ZNF385D: variants seen among roughly 807,000 people sequenced by gnomAD.
ZNF385D encodes the protein zinc finger protein 385D, also known as zinc finger protein 659.
ZNF385D carries 15 observed loss-of-function variants against 35.8 expected under a neutral mutation model. The ratio of observed to expected loss-of-function variants is 0.42; its 90% CI spans 0.28 to 0.64. ZNF385D has a LOEUF of 0.64. Among genes scored for constraint, ZNF385D ranks in the 30% least tolerant of loss-of-function variants. The pLI, the probability that ZNF385D is intolerant of heterozygous loss-of-function variation, is 0.23. For synonymous variants in ZNF385D, 212 were observed against 186.8 expected (o/e 1.13, Z -1.10); for missense variants, 474 against 494.6 (o/e 0.96, Z 0.39).
intron 3 of ZNF385D, among the ~76,000 whole-genome samples, chr3:21,955,696 T>A (rs1022498472): frequency 2.0e-5 from 3 of 152,126 alleles, no homozygotes; most frequent in Non-Finnish European, 4.4e-5. Context: ...AACCCACATG[T>A]TATAAAATTG....
intron 3 of ZNF385D, among the ~76,000 whole-genome samples, chr3:22,038,561 A>T (rs1698474575): frequency 6.6e-6 from 1 of 152,202 alleles, no homozygotes; most frequent in Admixed American, 6.5e-5. Context: ...AGGCTGAAAT[A>T]AAATTTATTC....
intron 2 of ZNF385D, among the ~76,000 whole-genome samples, chr3:22,180,914 CT>C (rs61668943): frequency 0.011 from 1,204 of 112,926 alleles, 64 homozygotes; most frequent in Admixed American, 0.079. Flanking sequence ...TGCTTTTGTT[CT>C]TTTTTTTTTT....
At chr3:22,012,041 T>G (rs1031462424) in intron 3 of ZNF385D, among the ~76,000 whole-genome samples, 1 of 152,146 alleles carries the variant, frequency 6.6e-6, no homozygotes, top group Non-Finnish European at 1.5e-5. Flanking sequence ...TATTATCAGA[T>G]AGGGAATTAT....
intron 2 of ZNF385D, among the ~76,000 whole-genome samples, chr3:22,176,033 C>G (rs796661877): frequency 5.9e-5 from 9 of 151,486 alleles, no homozygotes; most frequent in Non-Finnish European, 1.0e-4. Context: ...TGTAAAGTAC[C>G]ATTATAAAAA....
intron 3 of ZNF385D, among the ~76,000 whole-genome samples, chr3:21,865,115 T>C (rs147199780): frequency 7.0e-6 from 1 of 142,784 alleles, no homozygotes; most frequent in East Asian, 2.2e-4. Flanking sequence ...TCTACTTTCA[T>C]GTGGTATAAT....
intron 2 of ZNF385D, chr3:22,169,066 A>G (rs943067915): frequency 3.1e-6 from 3 of 958,682 alleles, no homozygotes; most frequent in Non-Finnish European, 3.7e-6. Flanking sequence ...ATGAACAAGC[A>G]GATCAAGATT....
At chr3:21,493,841 A>G (rs1022981384) in intron 4 of ZNF385D, among the ~76,000 whole-genome samples, 16 of 152,294 alleles carry the variant, frequency 1.1e-4, no homozygotes, top group African/African-American at 2.2e-4. Flanking sequence ...TTCCAAAGCA[A>G]TAATTCCAAG....
intron 3 of ZNF385D, among the ~76,000 whole-genome samples, chr3:22,007,998 T>A (rs1030637529): frequency 6.6e-6 from 1 of 152,060 alleles, no homozygotes; most frequent in Non-Finnish European, 1.5e-5. Context: ...ATTCTAGAAC[T>A]TGTATAGTTT....
chr3:22,077,488 G>T (rs1700521493), intron 3 of ZNF385D, among the ~76,000 whole-genome samples: 1 of 151,992 alleles, frequency 6.6e-6, no homozygotes, highest in African/African-American at 2.4e-5. Context: ...AAATAGGCAA[G>T]ATTTCTTATC....
In ZNF385D at chr3:21,519,325, T is replaced by C. The variant is rs995822758; in HGVS notation, c.277-8302A>G. ...AGTACTTACATGGCTGTGAAAAAAA[T>C]AGTCTAGATGGGGTCACTTTTCAAA... On this transcript the variant is annotated intron_variant, in intron 3 of 7. Transcript: ENST00000281523. 2.6e-5 allele frequency among the ~76,000 whole-genome samples: 4 copies of C among 152,214 alleles called. No homozygotes were observed. In the East Asian group the frequency reaches 7.7e-4, roughly 29 times the overall value.
intron 4 of ZNF385D, chr3:21,441,724 A>G (rs1575150996): frequency 3.0e-6 from 3 of 985,266 alleles, no homozygotes; most frequent in East Asian, 2.3e-4. Flanking sequence ...ACAGGGCTTC[A>G]TTGCACCTTT....
intron 2 of ZNF385D, among the ~76,000 whole-genome samples, chr3:22,187,778 G>A (rs527875464): frequency 3.6e-4 from 54 of 152,100 alleles, no homozygotes; most frequent in Admixed American, 2.5e-3. Flanking sequence ...ATGTTTATTC[G>A]GACAGCGATG....
chr3:21,583,812 A>G (rs2063733479), intron 2 of ZNF385D, among the ~76,000 whole-genome samples: 1 of 150,880 alleles, frequency 6.6e-6, no homozygotes, highest in African/African-American at 2.4e-5. Context: ...TATACATAGT[A>G]TGTTTCCACT....
chr3:22,290,832 G>A (rs533716495), intron 2 of ZNF385D, among the ~76,000 whole-genome samples: 8 of 152,270 alleles, frequency 5.3e-5, no homozygotes, highest in Admixed American at 5.2e-4. Flanking sequence ...ATTCCATGTT[G>A]CTGATGTCAT....
intron 3 of ZNF385D, among the ~76,000 whole-genome samples, chr3:22,064,248 G>A (rs1317258608): frequency 6.6e-6 from 1 of 152,150 alleles, no homozygotes; most frequent in Non-Finnish European, 1.5e-5. Context: ...CTCCGAAGGG[G>A]TCAAAAGAGA....
At chr3:22,034,868 T>G (rs1250417529) in intron 3 of ZNF385D, among the ~76,000 whole-genome samples, 4 of 152,148 alleles carry the variant, frequency 2.6e-5, no homozygotes, top group Non-Finnish European at 5.9e-5. Flanking sequence ...GATAATTTAA[T>G]AAAAAATATC....
intron 3 of ZNF385D, among the ~76,000 whole-genome samples, chr3:21,811,271 G>C (rs2072909702): frequency 6.6e-6 from 1 of 152,010 alleles, no homozygotes; most frequent in African/African-American, 2.4e-5. Context: ...GCTCAAAATA[G>C]TGGTATTTAA....
chr3:22,189,655 T>C (rs1695883811), intron 2 of ZNF385D, among the ~76,000 whole-genome samples: 1 of 152,158 alleles, frequency 6.6e-6, no homozygotes, highest in Non-Finnish European at 1.5e-5. Context: ...GAAAGAGGCA[T>C]TACAGAAATA....
intron 2 of ZNF385D, among the ~76,000 whole-genome samples, chr3:22,368,645 T>C (rs1379356596): frequency 1.3e-5 from 2 of 152,164 alleles, no homozygotes; most frequent in African/African-American, 4.8e-5. Flanking sequence ...TCTTGCTGCA[T>C]CTTCACATGA....
Sources: allele counts gnomAD v4.1 joint callset (sites outside exome capture counted in the v4.1 genomes callset), GRCh38; gene constraint gnomAD v4.1.1; transcripts MANE v1.5; gene names NCBI Gene and HGNC (gene_info 2026-07-23, HGNC 2026-07-21).